The following RIMS3 variants were observed in gnomAD, a reference collection of about 807,000 sequenced individuals.
RIMS3 encodes regulating synaptic membrane exocytosis 3, also known as regulating synaptic membrane exocytosis protein 3.
Under a neutral mutation model 29.2 loss-of-function variants are expected in RIMS3, and 15 were observed. That is an observed-to-expected ratio of 0.51 (90% CI 0.34 to 0.79). The LOEUF (loss-of-function observed/expected upper bound fraction) is 0.79, where lower values mean the gene tolerates loss of function less well. Among genes scored for constraint, RIMS3 ranks in the 30% least tolerant of loss-of-function variants. The pLI is 0.01. For missense variants in RIMS3, 342 were observed against 421.4 expected (o/e 0.81, Z 1.65); for synonymous variants, 161 against 170.1 (o/e 0.95, Z 0.41).
chr1:40,627,197 T>G (rs1570168197), intron 7 of RIMS3, among the ~76,000 whole-genome samples: 1 of 152,172 alleles, frequency 6.6e-6, no homozygotes, highest in Admixed American at 6.5e-5. Flanking sequence ...GTAAGCTCCA[T>G]GCCCTCACTG....
chr1:40,652,467 G>A (rs1025473684), intron 1 of RIMS3, among the ~76,000 whole-genome samples: 1 of 152,186 alleles, frequency 6.6e-6, no homozygotes, highest in African/African-American at 2.4e-5. Flanking sequence ...CTTCAGGGTG[G>A]GGGAGACCAG....
the RIMS3 span, among the ~76,000 whole-genome samples, chr1:40,683,241 T>C: frequency 6.6e-6 from 1 of 152,234 alleles, no homozygotes; most frequent in African/African-American, 2.4e-5. Flanking sequence ...AGTCATTCGC[T>C]ACATGCTATG....
At chr1:40,669,265 C>A (rs567727028), upstream of RIMS3, 14 of 152,316 alleles carry the variant, frequency 9.2e-5, no homozygotes, top group African/African-American at 2.4e-4. Context: ...GCACTGTATT[C>A]TTATCTCCAT....
the RIMS3 span, chr1:40,692,029 C>A: frequency 5.1e-6 from 1 of 196,932 alleles, no homozygotes; most frequent in Non-Finnish European, 1.1e-5. Flanking sequence ...TTGCCTGGCC[C>A]GCTGCTGTCG....
At chr1:40,643,647 T>C (rs764084354) in intron 2 of RIMS3, among the ~76,000 whole-genome samples, 1 of 151,988 alleles carries the variant, frequency 6.6e-6, no homozygotes, top group Non-Finnish European at 1.5e-5. Context: ...CAGCTAATTT[T>C]TTTGTATTTT....
the RIMS3 span, among the ~76,000 whole-genome samples, chr1:40,686,640 G>A: frequency 6.6e-6 from 1 of 152,206 alleles, no homozygotes; most frequent in Non-Finnish European, 1.5e-5. Flanking sequence ...CTGGGTGACA[G>A]AATGAGACTC....
At chr1:40,643,618 A>T (rs909782514) in intron 2 of RIMS3, among the ~76,000 whole-genome samples, 8 of 151,838 alleles carry the variant, frequency 5.3e-5, no homozygotes, top group African/African-American at 1.9e-4. Context: ...CTTGGATTAC[A>T]GGCGTGCGCC....
In RIMS3 at chr1:40,625,456, G is replaced by A. The variant is rs1164252040; in HGVS notation, c.*1061C>T. On this transcript the variant is annotated 3_prime_UTR_variant, in exon 8 of 8. Transcript: ENST00000372684. ...CCCCAAATGAACAACTTCATGCAGT[G>A]AATCCCCAAATGTCAGATGGGATCC... The A allele has an allele frequency of 6.6e-6, 1 of 152,520 alleles. No individual in the cohort carries two copies. Among genetic ancestry groups the A allele is most frequent in the African/African-American group, 2.4e-5 (1 of 41,414 alleles). 9.4% of individuals were successfully genotyped at this position (152,520 alleles called of 1,614,324 possible). A position where few individuals can be genotyped will look rare whatever the true frequency, so the allele number is the denominator to read the frequency against.
chr1:40,671,564 AAAGT>A, the RIMS3 span, among the ~76,000 whole-genome samples: 1 of 151,864 alleles, frequency 6.6e-6, no homozygotes, highest in South Asian at 2.1e-4. Context: ...CAGTTGTTTA[AAAGT>A]GTGTGGCACC....
chr1:40,655,968 G>A (rs1642267215), intron 1 of RIMS3, among the ~76,000 whole-genome samples: 1 of 152,194 alleles, frequency 6.6e-6, no homozygotes, highest in Non-Finnish European at 1.5e-5. Flanking sequence ...AACTAAGATC[G>A]TGCCACTGCA....
At chr1:40,626,850 G>T in intron 7 of RIMS3, 121 bp from the exon 8 acceptor site, 1 of 835,026 alleles carries the variant, frequency 1.2e-6, no homozygotes, top group Non-Finnish European at 2.0e-6. Context: ...CAGAACTCAA[G>T]ACTGATTTCA....
rs138363465 is a variant in RIMS3, at chr1:40,642,731, G to A, written c.-31-775C>T. On this transcript the variant is annotated intron_variant, in intron 2 of 7. Coordinates refer to ENST00000372684, the MANE Select transcript of RIMS3 (RefSeq NM_014747.3). ...AGCACTTTGGGAGGCCGAGGCGGGC[G>A]GATCACCTGAGGTCAGGAGTTCGAG... is the stretch of plus-strand genomic sequence containing the variant. Among the ~76,000 whole-genome samples, 942 of 151,678 alleles carry A rather than the reference G, an allele frequency of 6.2e-3. 8 individuals carry two copies. The highest frequency in any genetic ancestry group is 9.2e-3 in the Non-Finnish European group (627 of 67,866).
At chr1:40,672,267 C>T in the RIMS3 span, among the ~76,000 whole-genome samples, 47,880 of 144,672 alleles carry the variant, frequency 0.33, 8,419 homozygotes, top group East Asian at 0.42. Context: ...GGTGCTATCT[C>T]GGCTCACTGC....
the RIMS3 span, among the ~76,000 whole-genome samples, chr1:40,685,617 C>G: frequency 1.3e-5 from 2 of 151,934 alleles, no homozygotes; most frequent in Admixed American, 1.3e-4. Context: ...GTCCTAAAAT[C>G]CCCGTTGGGC....
At chr1:40,628,544 G>C (rs950016148) in intron 7 of RIMS3, among the ~76,000 whole-genome samples, 1 of 152,210 alleles carries the variant, frequency 6.6e-6, no homozygotes, top group Non-Finnish European at 1.5e-5. Flanking sequence ...AGCACTAGGG[G>C]AAGGAGGAGG....
At chr1:40,685,446 G>C in the RIMS3 span, among the ~76,000 whole-genome samples, 1 of 150,994 alleles carries the variant, frequency 6.6e-6, no homozygotes, top group Non-Finnish European at 1.5e-5. Flanking sequence ...ATCGCACAGT[G>C]ACGCAGGCCT....
chr1:40,689,704 G>C, the RIMS3 span, among the ~76,000 whole-genome samples: 1 of 152,190 alleles, frequency 6.6e-6, no homozygotes, highest in African/African-American at 2.4e-5. Context: ...TTTAGAAAGG[G>C]AAGGGCGGAG....
chr1:40,644,445 C>T (rs1393534439), intron 2 of RIMS3, among the ~76,000 whole-genome samples: 2 of 152,208 alleles, frequency 1.3e-5, no homozygotes, highest in African/African-American at 4.8e-5. Flanking sequence ...GCCAAGGATA[C>T]AGCAGTGAGT....
chr1:40,639,401 G>T (rs1363669997), intron 3 of RIMS3, among the ~76,000 whole-genome samples: 1 of 152,258 alleles, frequency 6.6e-6, no homozygotes, highest in African/African-American at 2.4e-5. Context: ...AGGAATTCTA[G>T]ATGGAGAGGA....
Sources: allele counts gnomAD v4.1 joint callset (sites outside exome capture counted in the v4.1 genomes callset), GRCh38; gene constraint gnomAD v4.1.1; transcripts MANE v1.5; gene names NCBI Gene and HGNC (gene_info 2026-07-23, HGNC 2026-07-21).